Variants in CDK8 observed in about 807,000 individuals in gnomAD.
CDK8 encodes the protein cyclin dependent kinase 8.
In CDK8, 29 loss-of-function variants were observed where a neutral mutation model predicts 71.5. That is an observed-to-expected ratio of 0.41 (90% confidence interval 0.30 to 0.55). The LOEUF (loss-of-function observed/expected upper bound fraction) is 0.55, where lower values mean the gene tolerates loss of function less well. Among genes scored for constraint, CDK8 ranks in the 20% least tolerant of loss-of-function variants. The pLI is 0.37. For synonymous variants in CDK8, 161 were observed against 192.1 expected, an observed-to-expected ratio of 0.84 and a Z score of 1.34; for missense variants, 288 against 572.6, an observed-to-expected ratio of 0.50 and a Z score of 5.07.
chr13:26,333,755 T>C (rs2137967336), intron 1 of CDK8, among the ~76,000 whole-genome samples: 1 of 152,328 alleles, frequency 6.6e-6, no homozygotes, highest in Middle Eastern at 3.4e-3. Context: ...TGGGCAAATA[T>C]TCCACAATAT....
intron 4 of CDK8, among the ~76,000 whole-genome samples, chr13:26,372,728 A>G (rs1593296113): frequency 6.6e-6 from 1 of 152,286 alleles, no homozygotes; most frequent in Middle Eastern, 3.4e-3. Flanking sequence ...GCTAATATAA[A>G]GTCTCAGTTC....
chr13:26,391,885 T>A (rs1416727241), intron 6 of CDK8, among the ~76,000 whole-genome samples: 1 of 152,256 alleles, frequency 6.6e-6, no homozygotes, highest in Non-Finnish European at 1.5e-5. Flanking sequence ...AAATTTTAGA[T>A]TAAATTAAAT....
chr13:26,298,982 C>T (rs889673554), intron 1 of CDK8, among the ~76,000 whole-genome samples: 1 of 152,032 alleles, frequency 6.6e-6, no homozygotes, highest in African/African-American at 2.4e-5. Flanking sequence ...ATCCAATATG[C>T]TTTTCTAATG....
At chr13:26,391,819 T>A (rs1875759798) in intron 6 of CDK8, among the ~76,000 whole-genome samples, 1 of 152,230 alleles carries the variant, frequency 6.6e-6, no homozygotes, top group Non-Finnish European at 1.5e-5. Context: ...CTGCAGTCAG[T>A]GTGAATCTTT....
At chr13:26,351,804 T>G (rs1364546146) in intron 3 of CDK8, among the ~76,000 whole-genome samples, 1 of 152,208 alleles carries the variant, frequency 6.6e-6, no homozygotes, top group Non-Finnish European at 1.5e-5. Flanking sequence ...CTATTTTAAT[T>G]GGAATGTTGA....
At chr13:26,348,232 A>C (rs2137990323) in intron 2 of CDK8, among the ~76,000 whole-genome samples, 1 of 152,318 alleles carries the variant, frequency 6.6e-6, no homozygotes, top group South Asian at 2.1e-4. Context: ...GAAGATTCTT[A>C]GGGACAGATA....
intron 1 of CDK8, among the ~76,000 whole-genome samples, chr13:26,319,089 A>G (rs1048155806): frequency 3.3e-5 from 5 of 152,250 alleles, no homozygotes; most frequent in African/African-American, 1.2e-4. Flanking sequence ...AAAAGTGAGT[A>G]TACAAAAATC....
At chr13:26,270,439 T>C (rs1056176605) in intron 1 of CDK8, among the ~76,000 whole-genome samples, 2 of 152,100 alleles carry the variant, frequency 1.3e-5, no homozygotes, top group Admixed American at 6.6e-5. Context: ...TTAGTGCTTT[T>C]TGATATATTC....
At chr13:26,376,321 G>A (rs1482011513) in intron 4 of CDK8, among the ~76,000 whole-genome samples, 1 of 151,994 alleles carries the variant, frequency 6.6e-6, no homozygotes, top group Non-Finnish European at 1.5e-5. Flanking sequence ...GATGCATTTG[G>A]TCTCCTTGAT....
chr13:26,268,296 CACACA>C (rs1872131903), intron 1 of CDK8, among the ~76,000 whole-genome samples: 1 of 150,538 alleles, frequency 6.6e-6, no homozygotes, highest in Non-Finnish European at 1.5e-5. Context: ...CACACACACA[CACACA>C]CACACACAGT....
At chr13:26,284,171 T>C (rs1418669544) in intron 1 of CDK8, among the ~76,000 whole-genome samples, 1 of 152,174 alleles carries the variant, frequency 6.6e-6, no homozygotes, top group Non-Finnish European at 1.5e-5. Context: ...TAGCATTAAA[T>C]GCCTGCATCA....
At chr13:26,336,778 T>A (rs1380530210) in intron 1 of CDK8, among the ~76,000 whole-genome samples, 1 of 152,012 alleles carries the variant, frequency 6.6e-6, no homozygotes, top group Non-Finnish European at 1.5e-5. Flanking sequence ...ATGGTCTCGA[T>A]CTCCTGACCT....
intron 4 of CDK8, among the ~76,000 whole-genome samples, chr13:26,362,261 TG>T (rs1874183058): frequency 6.6e-6 from 1 of 151,662 alleles, no homozygotes; most frequent in Non-Finnish European, 1.5e-5. Flanking sequence ...GATGGATGGA[TG>T]GATGGATAGA....
chr13:26,341,673 A>G (rs1046585864), intron 2 of CDK8, among the ~76,000 whole-genome samples: 1 of 152,184 alleles, frequency 6.6e-6, no homozygotes, highest in Non-Finnish European at 1.5e-5. Context: ...TCTCACCATT[A>G]TGATATTTAT....
intron 1 of CDK8, among the ~76,000 whole-genome samples, chr13:26,284,856 G>A (rs557905828): frequency 1.2e-3 from 182 of 148,096 alleles, no homozygotes; most frequent in Non-Finnish European, 2.1e-3. Context: ...GAAGGAGGCA[G>A]CAAGTGGGGG....
chr13:26,349,124 T>G lies in CDK8; in HGVS notation c.257T>G (p.Leu86Arg), dbSNP rs1477525717. The change falls in exon 3 of 13, where the codon CTG becomes CGG. Residue 86 changes from leucine to arginine, a missense_variant. Leu to Arg is a moderately radical substitution (Grantham distance 102). Around this residue, in one of 6 missense-constraint regions of CDK8, gnomAD observed 95 missense variants for 177.3 expected, o/e 0.54. Coordinates refer to ENST00000381527, the MANE Select transcript of CDK8 (RefSeq NM_001260.3). ...PNVISLQKVF[L>R]SHADRKVWLL... ...GTCATTTCTCTTCAAAAGGTGTTTC[T>G]GTCTCATGCTGATAGGAAGGTGTGG... 1 of 1,613,760 alleles carries G rather than the reference T, an allele frequency of 6.2e-7. No homozygotes were observed. Among genetic ancestry groups the G allele is most frequent in the Non-Finnish European group, 8.5e-7 (1 of 1,179,742 alleles).
intron 4 of CDK8, among the ~76,000 whole-genome samples, chr13:26,367,456 T>C (rs1261118154): frequency 6.6e-6 from 1 of 152,140 alleles, no homozygotes. Context: ...CTGAGATTTG[T>C]TTGAATCTTT....
At chr13:26,379,302 C>T (rs1477097847) in intron 4 of CDK8, among the ~76,000 whole-genome samples, 1 of 152,164 alleles carries the variant, frequency 6.6e-6, no homozygotes, top group Non-Finnish European at 1.5e-5. Flanking sequence ...GAATCTGCTT[C>T]AGATGGTGCA....
chr13:26,271,014 G>T (rs1000099517), intron 1 of CDK8, among the ~76,000 whole-genome samples: 1 of 152,116 alleles, frequency 6.6e-6, no homozygotes, highest in Non-Finnish European at 1.5e-5. Context: ...ACATCCTTAA[G>T]GGTATTAAAT....
Sources: allele counts gnomAD v4.1 joint callset (sites outside exome capture counted in the v4.1 genomes callset), GRCh38; gene constraint gnomAD v4.1.1; regional missense constraint gnomAD v4.1.1; transcripts MANE v1.5; gene names NCBI Gene and HGNC (gene_info 2026-07-23, HGNC 2026-07-21).